The following MAP3K7CL variants were observed in gnomAD, a reference collection of about 807,000 sequenced individuals.
MAP3K7CL encodes the protein MAP3K7 C-terminal-like protein.
A neutral mutation model predicts 18.6 loss-of-function variants in MAP3K7CL; 16 were observed. The ratio of observed to expected loss-of-function variants is 0.86; its 90% CI spans 0.58 to 1.31. MAP3K7CL has a LOEUF of 1.31. Ranked by LOEUF, MAP3K7CL falls within the 50% of genes most tolerant of loss-of-function variation. The probability of loss-of-function intolerance (pLI) is 0.00; values close to 1 mark genes in which losing one functional copy is unlikely to be tolerated. For synonymous variants in MAP3K7CL, 65 were observed against 66.8 expected (o/e 0.97, Z 0.13); for missense variants, 163 against 174.4 (o/e 0.93, Z 0.37).
chr21:29,087,467 T>G (rs755047188), intron 1 of MAP3K7CL, among the ~76,000 whole-genome samples: 1 of 152,174 alleles, frequency 6.6e-6, no homozygotes, highest in African/African-American at 2.4e-5. Context: ...AATAAATGAA[T>G]GAACCTCAGT....
intron 1 of MAP3K7CL, among the ~76,000 whole-genome samples, chr21:29,091,285 G>T (rs1312629150): frequency 1.3e-5 from 2 of 152,188 alleles, no homozygotes; most frequent in Non-Finnish European, 2.9e-5. Context: ...TTTGAATCAT[G>T]CAGGAAACAT....
At chr21:29,166,080 T>G (rs989869964) in intron 4 of MAP3K7CL, among the ~76,000 whole-genome samples, 1 of 152,206 alleles carries the variant, frequency 6.6e-6, no homozygotes, top group Non-Finnish European at 1.5e-5. Context: ...CACCCTACTG[T>G]GCAGGAGAAC....
intron 3 of MAP3K7CL, among the ~76,000 whole-genome samples, chr21:29,150,713 C>G (rs1013748888): frequency 6.6e-6 from 1 of 151,856 alleles, no homozygotes; most frequent in African/African-American, 2.4e-5. Context: ...CACTCCCACC[C>G]CCACCAATAT....
intron 2 of MAP3K7CL, among the ~76,000 whole-genome samples, chr21:29,143,505 C>T (rs1324018508): frequency 6.6e-6 from 1 of 151,948 alleles, no homozygotes; most frequent in Non-Finnish European, 1.5e-5. Context: ...TCACTGCAAC[C>T]TCCGCCTTCT....
At chr21:29,171,320 C>T (rs2087821333) in intron 4 of MAP3K7CL, among the ~76,000 whole-genome samples, 1 of 152,176 alleles carries the variant, frequency 6.6e-6, no homozygotes, top group Admixed American at 6.5e-5. Context: ...ATATGCGTAT[C>T]AGTGATGTAC....
chr21:29,159,874 A>G, intron 3 of MAP3K7CL, 67 bp from the exon 4 acceptor site: 1 of 1,271,402 alleles, frequency 7.9e-7, no homozygotes, highest in Non-Finnish European at 1.1e-6. Context: ...AACATCAGCG[A>G]GCAAAATGGT....
chr21:29,165,685 C>T (rs1385008372), intron 4 of MAP3K7CL, among the ~76,000 whole-genome samples: 1 of 152,248 alleles, frequency 6.6e-6, no homozygotes, highest in East Asian at 1.9e-4. Context: ...GATCCTCCTA[C>T]CTCAGCTCCC....
intron 4 of MAP3K7CL, among the ~76,000 whole-genome samples, chr21:29,124,496 GC>G (rs1164604660): frequency 3.3e-5 from 5 of 151,474 alleles, no homozygotes; most frequent in African/African-American, 1.2e-4. Flanking sequence ...TAAATAGATA[GC>G]TAAATCAAGT....
At chr21:29,115,770 C>A (rs2086494904) in intron 4 of MAP3K7CL, among the ~76,000 whole-genome samples, 1 of 152,248 alleles carries the variant, frequency 6.6e-6, no homozygotes, top group Admixed American at 6.5e-5. Flanking sequence ...TGGGACCCCT[C>A]TGAGCATGGG....
chr21:29,174,772 G>T lies in MAP3K7CL; in HGVS notation c.309G>T (p.Leu103=). 1 of 1,614,188 alleles carries T rather than the reference G, an allele frequency of 6.2e-7. No individual in the cohort carries two copies. The highest frequency in any genetic ancestry group is 8.5e-7 in the Non-Finnish European group (1 of 1,180,020). Residue 103 remains leucine (L), a synonymous_variant, in exon 5 of 5, where the codon CTG becomes CTT. Coordinates refer to ENST00000399928, the MANE Select transcript of MAP3K7CL (RefSeq NM_001286620.2). Reference sequence around the variant, plus strand: ...AGGAGAAGGTGGATGCTGCTGAGCTGGTTCGGGAATTCGAGGCTCTGACGG... The same window carrying T: ...AGGAGAAGGTGGATGCTGCTGAGCTTGTTCGGGAATTCGAGGCTCTGACGG... The part of the protein sequence containing the change: ...AEKEKVDAAE[L]VREFEALTEE...
At chr21:29,091,829 T>C in intron 3 of MAP3K7CL, 2 of 683,604 alleles carry the variant, frequency 2.9e-6, no homozygotes, top group Admixed American at 2.1e-5. Flanking sequence ...TGCTGAGTGC[T>C]TCCTATGTAC....
rs144144880 is a variant in MAP3K7CL at position 29,169,430 on chromosome 21, C to T, written c.249-5282C>T. Among the ~76,000 whole-genome samples, 490 of 152,328 alleles carry T rather than the reference C, an allele frequency of 3.2e-3. 2 individuals are homozygous for T. Among genetic ancestry groups the T allele is most frequent in the Non-Finnish European group, 5.5e-3 (371 of 68,042 alleles). On this transcript the variant is annotated intron_variant, in intron 4 of 4. Transcript: ENST00000399928. ...TGACATCCTTTCTGTCATCTTGAGG[C>T]ATTGACTCCTTCTGTCCTGCGTATG...
At chr21:29,119,623 T>A (rs4817272) in intron 4 of MAP3K7CL, among the ~76,000 whole-genome samples, 1 of 151,538 alleles carries the variant, frequency 6.6e-6, no homozygotes, top group Non-Finnish European at 1.5e-5. Context: ...AAAACGTGCA[T>A]GGGATATAAG....
intron 4 of MAP3K7CL, among the ~76,000 whole-genome samples, chr21:29,161,656 A>G (rs546910833): frequency 1.3e-5 from 2 of 152,216 alleles, no homozygotes; most frequent in Non-Finnish European, 2.9e-5. Flanking sequence ...GAATAAATGT[A>G]TCTTCTGGTG....
intron 2 of MAP3K7CL, among the ~76,000 whole-genome samples, chr21:29,138,518 T>A (rs1328330693): frequency 1.3e-5 from 2 of 152,228 alleles, no homozygotes; most frequent in African/African-American, 4.8e-5. Context: ...ATGAGACTTT[T>A]CTTCATCTTC....
intron 4 of MAP3K7CL, among the ~76,000 whole-genome samples, chr21:29,124,335 C>T (rs117406514): frequency 0.039 from 4,214 of 106,872 alleles, 98 homozygotes; most frequent in Middle Eastern, 0.24. Flanking sequence ...GCCCGGGCAA[C>T]AGAGTGAGAC....
At chr21:29,168,607 A>G (rs2087749234) in intron 4 of MAP3K7CL, among the ~76,000 whole-genome samples, 1 of 152,338 alleles carries the variant, frequency 6.6e-6, no homozygotes, top group East Asian at 1.9e-4. Context: ...AATTAGGTGC[A>G]GCCCAGTCAT....
chr21:29,143,763 C>T (rs191841372), intron 2 of MAP3K7CL, among the ~76,000 whole-genome samples: 110 of 152,218 alleles, frequency 7.2e-4, no homozygotes, highest in Admixed American at 6.5e-3. Flanking sequence ...GGCGTCTCAA[C>T]TTACATCCCA....
chr21:29,164,435 GCTAA>G (rs1311087862), intron 4 of MAP3K7CL, among the ~76,000 whole-genome samples: 1 of 152,176 alleles, frequency 6.6e-6, no homozygotes, highest in Non-Finnish European at 1.5e-5. Context: ...AAAGAGAGAC[GCTAA>G]CTAAGGTATT....
Sources: gnomAD v4.1 joint callset for allele counts (sites outside exome capture counted in the v4.1 genomes callset) on GRCh38, gnomAD v4.1.1 for gene constraint, MANE v1.5 for transcripts, NCBI Gene and HGNC (gene_info 2026-07-23, HGNC 2026-07-21) for gene names.